OSBP2: variants seen among roughly 807,000 people sequenced by gnomAD.
OSBP2 encodes oxysterol-binding protein 2.
A neutral mutation model predicts 96.0 loss-of-function variants in OSBP2; 66 were observed. The observed-to-expected ratio is 0.69, with a 90% CI of 0.56 to 0.84. The LOEUF is 0.84. Ranked by LOEUF, OSBP2 falls within the 40% of genes least tolerant of loss-of-function variation. The pLI, the probability that OSBP2 is intolerant of heterozygous loss-of-function variation, is 0.00. For missense variants in OSBP2, 1,038 were observed against 1,222.7 expected, an observed-to-expected ratio of 0.85 and a Z score of 2.25; for synonymous variants, 525 against 520.9, an observed-to-expected ratio of 1.01 and a Z score of -0.11.
chr22:30,753,930 G>A (rs1340490473), intron 2 of OSBP2, among the ~76,000 whole-genome samples: 2 of 152,162 alleles, frequency 1.3e-5, no homozygotes, highest in African/African-American at 2.4e-5. Context: ...GTTTTGCCTG[G>A]TGGCAGCTCT....
chr22:30,857,650 T>C (rs2039106209), intron 2 of OSBP2, among the ~76,000 whole-genome samples: 1 of 152,244 alleles, frequency 6.6e-6, no homozygotes, highest in Non-Finnish European at 1.5e-5. Context: ...AGCCACTGTG[T>C]TAAGCACTTT....
At chr22:30,721,639 T>C (rs1489348008) in intron 1 of OSBP2, among the ~76,000 whole-genome samples, 1 of 152,214 alleles carries the variant, frequency 6.6e-6, no homozygotes, top group Non-Finnish European at 1.5e-5. Flanking sequence ...ATAAGACCAT[T>C]TCATCTATTG....
At chr22:30,715,174 G>C (rs2089428163) in intron 1 of OSBP2, among the ~76,000 whole-genome samples, 1 of 151,840 alleles carries the variant, frequency 6.6e-6, no homozygotes, top group South Asian at 2.1e-4. Context: ...TGAGATTACA[G>C]GCATGGGCTA....
intron 2 of OSBP2, among the ~76,000 whole-genome samples, chr22:30,839,064 GT>G (rs2038694194): frequency 7.5e-6 from 1 of 134,086 alleles, no homozygotes; most frequent in Non-Finnish European, 1.5e-5. Flanking sequence ...TGTTCTCATT[GT>G]TCAATTCCCA....
rs753136510 is a variant in OSBP2 at position 30,825,275 on chromosome 22, G to A, written c.854-45154G>A. Among the ~76,000 whole-genome samples, 97 of 152,156 alleles carry A rather than the reference G, an allele frequency of 6.4e-4. 2 individuals are homozygous for A. The highest frequency in any genetic ancestry group is 4.3e-3 in the Admixed American group (65 of 15,284). On this transcript the variant is annotated intron_variant, in intron 2 of 13. Transcript: ENST00000332585. ...AGCTGAGGTGGGAAGATCACCTGAG[G>A]TCAGGAGTTCGAGACCAGCCTGGCC...
At chr22:30,775,621 A>G (rs1009880276) in intron 2 of OSBP2, among the ~76,000 whole-genome samples, 1 of 152,180 alleles carries the variant, frequency 6.6e-6, no homozygotes, top group Non-Finnish European at 1.5e-5. Context: ...TCTGTCTCAA[A>G]AAACAAACAA....
chr22:30,839,801 A>G (rs1201698399), intron 2 of OSBP2, among the ~76,000 whole-genome samples: 2 of 151,592 alleles, frequency 1.3e-5, no homozygotes, highest in Admixed American at 6.6e-5. Context: ...TTGCCTGTAC[A>G]CTCTGATGGT....
At chr22:30,874,148 A>ATT (rs1473120943) in intron 3 of OSBP2, among the ~76,000 whole-genome samples, 1 of 152,184 alleles carries the variant, frequency 6.6e-6, no homozygotes, top group Non-Finnish European at 1.5e-5. Context: ...AAGACAGGAG[A>ATT]ATCACTTGAA....
chr22:30,766,347 T>A (rs2090269376), intron 2 of OSBP2, among the ~76,000 whole-genome samples: 1 of 152,192 alleles, frequency 6.6e-6, no homozygotes, highest in South Asian at 2.1e-4. Context: ...GCCTCCTTGA[T>A]CTCTCAGCAG....
In OSBP2 at chr22:30,856,373, C is replaced by CTTTTTTTTTTTTTT. The variant is rs56875088; in HGVS notation, c.854-14039_854-14026dup. On this transcript the variant is annotated intron_variant, in intron 2 of 13. Transcript: ENST00000332585. ...CTTGGCAGTTGGAAACAGAGCCCTT[C>CTTTTTTTTTTTTTT]TTTTTTTTTTTTTTTTTTTTTTTTT... Among the ~76,000 whole-genome samples, 49 of 101,430 alleles carry CTTTTTTTTTTTTTT rather than the reference C, an allele frequency of 4.8e-4. 3 individuals are homozygous for CTTTTTTTTTTTTTT. The highest frequency in any genetic ancestry group is 6.1e-4 in the African/African-American group (17 of 27,892). 66.5% of individuals were successfully genotyped at this position (101,430 alleles called of 152,430 possible).
chr22:30,765,531 A>C (rs1490195620), intron 2 of OSBP2, among the ~76,000 whole-genome samples: 1 of 152,140 alleles, frequency 6.6e-6, no homozygotes, highest in Non-Finnish European at 1.5e-5. Context: ...TATAATAAAC[A>C]TTCTACACAG....
Position 30,889,234 on chromosome 22 carries a change from T to C in OSBP2, c.1476T>C (p.Asn492=), listed in dbSNP as rs959496879. ...TSSVDWSSAD[N]VLDGASLVPK... is the part of the protein sequence containing the mutation. ...CCGTGGACTGGAGCTCAGCAGACAA[T>C]GTAAGTGAGGGGGAGCACTGTAAGG... Residue 492 remains asparagine, a splice_region_variant and synonymous_variant, in exon 6 of 14, where the codon AAT becomes AAC. Transcript: ENST00000332585. 10 of 1,611,120 alleles carry C rather than the reference T, an allele frequency of 6.2e-6. No homozygotes were observed. Among genetic ancestry groups the C allele is most frequent in the African/African-American group, 5.4e-5 (4 of 74,394 alleles).
At chr22:30,829,122 TG>T (rs1350881464) in intron 2 of OSBP2, among the ~76,000 whole-genome samples, 1 of 152,144 alleles carries the variant, frequency 6.6e-6, no homozygotes, top group African/African-American at 2.4e-5. Context: ...CAAGGTTCTT[TG>T]CCACTGGTAG....
Position 30,870,592 on chromosome 22 carries a change from C to T in OSBP2, c.1017C>T (p.Gly339=). The change falls in exon 3 of 14, where the codon GGC becomes GGT. Residue 339 remains glycine, a synonymous_variant. Transcript: ENST00000332585. This position sits in a 1 kb window ranked among gnomAD's most constrained non-coding sequence, Gnocchi z 4.1. ...AGCGCTCCCTGACAGAGCTGGACGG[C>T]CTCAAGATCCCATCTGAGAGTGGGG... ...ALQRSLTELD[G]LKIPSESGEK... is the part of the protein sequence containing the mutation. 1 of 1,614,008 alleles carries T rather than the reference C, an allele frequency of 6.2e-7. No individual in the cohort carries two copies. Among genetic ancestry groups the T allele is most frequent in the African/African-American group, 1.3e-5 (1 of 75,032 alleles).
chr22:30,752,886 T>G (rs2090095599), intron 2 of OSBP2, among the ~76,000 whole-genome samples: 1 of 152,214 alleles, frequency 6.6e-6, no homozygotes, highest in African/African-American at 2.4e-5. Flanking sequence ...TGGAACTTGG[T>G]GTCATTGCTA....
chr22:30,833,159 C>T lies in OSBP2; in HGVS notation c.854-37270C>T, dbSNP rs76369563. Among the ~76,000 whole-genome samples, 1,355 of 152,276 alleles carry T rather than the reference C, an allele frequency of 8.9e-3. 16 individuals carry two copies. Among genetic ancestry groups the T allele is most frequent in the African/African-American group, 0.03 (1,243 of 41,554 alleles). The stretch of plus-strand genomic sequence containing the variant: ...GGTCTTAGAGATGATTTACCAAACC[C>T]CTATGGTACAGACAAGGAAACTGAG... On this transcript the variant is annotated intron_variant, in intron 2 of 13. Transcript: ENST00000332585.
At chr22:30,707,618 G>A (rs1194683848) in intron 1 of OSBP2, among the ~76,000 whole-genome samples, 1 of 151,420 alleles carries the variant, frequency 6.6e-6, no homozygotes, top group Non-Finnish European at 1.5e-5. Flanking sequence ...TCGGGAGGCT[G>A]AGGCAGAGGA....
chr22:30,876,688 G>A (rs374379601), intron 3 of OSBP2, among the ~76,000 whole-genome samples: 13 of 152,280 alleles, frequency 8.5e-5, no homozygotes, highest in African/African-American at 3.1e-4. Flanking sequence ...GGCCCTGCCA[G>A]TGGGGAGCCA....
chr22:30,889,129 G>C, intron 5 of OSBP2, 48 bp from the exon 6 acceptor site: 1 of 1,569,982 alleles, frequency 6.4e-7, no homozygotes, highest in East Asian at 2.2e-5. Context: ...AGGTCCCAAG[G>C]AGACCTCGGG....
Sources: gnomAD v4.1 joint callset for allele counts (sites outside exome capture counted in the v4.1 genomes callset) on GRCh38, gnomAD v4.1.1 for gene constraint, Gnocchi (gnomAD v3.1) non-coding constraint, MANE v1.5 for transcripts, NCBI Gene and HGNC (gene_info 2026-07-23, HGNC 2026-07-21) for gene names.